CCBE1: variants seen among roughly 807,000 people sequenced by gnomAD.
The protein encoded by CCBE1 is collagen and calcium-binding EGF domain-containing protein 1.
Under a neutral mutation model 50.0 loss-of-function variants are expected in CCBE1, and 37 were observed. That is an observed-to-expected ratio of 0.74 (90% CI 0.57 to 0.97). CCBE1 has a LOEUF of 0.97. Among genes scored for constraint, CCBE1 ranks in the 50% least tolerant of loss-of-function variants. The pLI, the probability that CCBE1 is intolerant of heterozygous loss-of-function variation, is 0.00. For synonymous variants in CCBE1, 234 were observed against 203.7 expected, an observed-to-expected ratio of 1.15 and a Z score of -1.27; for missense variants, 538 against 523.8, an observed-to-expected ratio of 1.03 and a Z score of -0.26.
At chr18:59,560,936 C>T (rs2052727542) in intron 2 of CCBE1, among the ~76,000 whole-genome samples, 4 of 152,200 alleles carry the variant, frequency 2.6e-5, no homozygotes, top group Admixed American at 2.6e-4. Flanking sequence ...GACCTGTAGT[C>T]CTAATGCAAG....
At chr18:59,696,456 C>T (rs2054804677) in intron 2 of CCBE1, 173 bp downstream of exon 2, 2 of 1,477,430 alleles carry the variant, frequency 1.4e-6, no homozygotes, top group African/African-American at 1.4e-5. Flanking sequence ...GTTGCTCTGA[C>T]TCCGATCCAA....
chr18:59,512,659 C>G (rs79294387), intron 2 of CCBE1, among the ~76,000 whole-genome samples: 6 of 152,350 alleles, frequency 3.9e-5, no homozygotes, highest in Non-Finnish European at 8.8e-5. Context: ...AGTGGGGAGT[C>G]TCCACTCTCA....
rs556013250 is a variant in CCBE1 at position 59,652,717 on chromosome 18, C to T, written c.212+43912G>A. Among the ~76,000 whole-genome samples, 16 of 152,324 alleles carry T rather than the reference C, an allele frequency of 1.1e-4. No individual in the cohort carries two copies. The South Asian group carries it at 2.9e-3, about 28-fold the overall frequency. On this transcript the variant is annotated intron_variant, in intron 2 of 10. Transcript: ENST00000439986. The stretch of plus-strand genomic sequence containing the variant: ...CAGTGGCTCCCGCCTGTAATCCCAG[C>T]ACTTCGGGAGGCCGAGGCGGGTGGA...
In CCBE1 at chr18:59,476,816, G is replaced by C. The variant is rs1056726063; in HGVS notation, c.265+3370C>G. On this transcript the variant is annotated intron_variant, in intron 3 of 10. Transcript: ENST00000439986. ...ACCCAGCTATTTAGTCTGGAGTCAG[G>C]TTCACCAGGAGGATATATATTCTCT... Among the ~76,000 whole-genome samples the C allele has an allele frequency of 2.0e-5, 3 of 152,182 alleles. No homozygotes were observed. The East Asian group carries it at 5.8e-4, about 29-fold the overall frequency.
intron 2 of CCBE1, among the ~76,000 whole-genome samples, chr18:59,531,720 G>A (rs1598985218): frequency 6.6e-6 from 1 of 152,108 alleles, no homozygotes; most frequent in South Asian, 2.1e-4. Context: ...CTCCAGCCTG[G>A]GCGACAAAGA....
Position 59,431,932 on chromosome 18 carries a change from A to T in CCBE1, c.*3976T>A, listed in dbSNP as rs1288836682. The T allele has an allele frequency of 6.6e-6, 1 of 152,252 alleles. No individual in the cohort carries two copies. Among genetic ancestry groups the T allele is most frequent in the Non-Finnish European group, 1.5e-5 (1 of 68,122 alleles). 9.4% of individuals were successfully genotyped at this position (152,252 alleles called of 1,614,324 possible). On this transcript the variant is annotated 3_prime_UTR_variant, in exon 11 of 11. Coordinates refer to ENST00000439986, the MANE Select transcript of CCBE1 (RefSeq NM_133459.4). ...AACTGGGAAGGGAGGGGGGTTTCCT[A>T]AACTAAAATGCATGCCCTCCATGTA...
At chr18:59,613,475 G>A (rs1489593941) in intron 2 of CCBE1, among the ~76,000 whole-genome samples, 1 of 152,102 alleles carries the variant, frequency 6.6e-6, no homozygotes, top group Non-Finnish European at 1.5e-5. Context: ...TTCTATGTAA[G>A]CAAATTTCAA....
At chr18:59,696,453 T>A in intron 2 of CCBE1, 176 bp downstream of exon 2, 1 of 1,471,944 alleles carries the variant, frequency 6.8e-7, no homozygotes, top group South Asian at 1.3e-5. Context: ...AGTGTTGCTC[T>A]GACTCCGATC....
rs2054241401 is a variant in CCBE1 at position 59,658,837 on chromosome 18, G to T, written c.212+37792C>A. Reference sequence around the variant, plus strand: ...GGAGTTTGCAGTGAGCCAAGATCGTGCCACTGCACTCCAGTCTGGGCAACA... The same window carrying T: ...GGAGTTTGCAGTGAGCCAAGATCGTTCCACTGCACTCCAGTCTGGGCAACA... On this transcript the variant is annotated intron_variant, in intron 2 of 10. Transcript: ENST00000439986. 2.4e-5 allele frequency among the ~76,000 whole-genome samples: 3 copies of T among 125,024 alleles called. No homozygotes were observed. In the Admixed American group the frequency reaches 3.3e-4, roughly 14 times the overall value. 82.0% of individuals were successfully genotyped at this position (125,024 alleles called of 152,430 possible). A position where few individuals can be genotyped will look rare whatever the true frequency, so the allele number is the denominator to read the frequency against.
chr18:59,454,932 G>C lies in CCBE1; in HGVS notation c.573C>G (p.Asn191Lys), dbSNP rs763045193. The C allele has an allele frequency of 6.2e-7, 1 of 1,614,074 alleles. No homozygotes were observed. ...PNDTGHEKSE[N>K]MVKAGTCCAT... ...CACAGCAAGTTCCGGCTTTCACCAT[G>C]TTCTCAGACTTCTCATGGCCTGAGA... The change falls in exon 6 of 11, where the codon AAC becomes AAG. Residue 191 changes from asparagine to lysine, a missense_variant. Asn to Lys is a moderately conservative substitution (Grantham distance 94). Coordinates refer to ENST00000439986, the MANE Select transcript of CCBE1 (RefSeq NM_133459.4).
intron 2 of CCBE1, among the ~76,000 whole-genome samples, chr18:59,525,297 C>T (rs539685742): frequency 1.2e-4 from 19 of 152,204 alleles, no homozygotes; most frequent in Non-Finnish European, 2.6e-4. Flanking sequence ...TATCTCATTG[C>T]GGTTTTGATT....
intron 2 of CCBE1, among the ~76,000 whole-genome samples, chr18:59,585,833 A>G (rs990592699): frequency 3.3e-5 from 5 of 152,208 alleles, no homozygotes; most frequent in African/African-American, 1.2e-4. Context: ...CACTTAGTCA[A>G]AGTGGCATGT....
At chr18:59,448,206 G>A (rs1910773675) in intron 6 of CCBE1, 103 bp from the exon 7 acceptor site, 4 of 1,514,456 alleles carry the variant, frequency 2.6e-6, no homozygotes, top group Admixed American at 1.8e-5. Flanking sequence ...TGAGACATAT[G>A]TATATACTTT....
chr18:59,461,517 T>C (rs980810174), intron 5 of CCBE1, among the ~76,000 whole-genome samples: 7 of 152,148 alleles, frequency 4.6e-5, no homozygotes, highest in African/African-American at 1.4e-4. Context: ...AATTTTGTTT[T>C]ACTGAAATAT....
rs4940876 is a variant in CCBE1 at position 59,466,920 on chromosome 18, A to G, written c.401-29T>C. The G allele has an allele frequency of 0.99, 1,586,651 of 1,598,734 alleles. 787,955 individuals carry two copies. The highest frequency in any genetic ancestry group is 1 in the East Asian group (44,644 of 44,644). ...GTTTGAACCAAATGTAGAGAATACT[A>G]AGTTTCTGAGAATTCACTTCTAATA... On this transcript the variant is annotated intron_variant, in intron 4 of 10. Coordinates refer to ENST00000439986, the MANE Select transcript of CCBE1 (RefSeq NM_133459.4).
At chr18:59,485,584 A>ATATATATT (rs1912777138) in intron 2 of CCBE1, among the ~76,000 whole-genome samples, 1 of 140,856 alleles carries the variant, frequency 7.1e-6, no homozygotes, top group South Asian at 2.3e-4. Context: ...GATATATCAG[A>ATATATATT]TATTTATTTA....
intron 2 of CCBE1, among the ~76,000 whole-genome samples, chr18:59,660,048 T>C (rs1175784008): frequency 6.6e-6 from 1 of 152,034 alleles, no homozygotes; most frequent in Non-Finnish European, 1.5e-5. Flanking sequence ...CCAGACACAC[T>C]TCAGTGGCCT....
chr18:59,571,049 C>A (rs1327696755), intron 2 of CCBE1, among the ~76,000 whole-genome samples: 1 of 152,166 alleles, frequency 6.6e-6, no homozygotes, highest in East Asian at 1.9e-4. Flanking sequence ...CACCCTCCCA[C>A]TTCTGAGTAT....
In CCBE1 at chr18:59,658,321, TAAAAAAAAAA is replaced by T. The variant is rs1157998930; in HGVS notation, c.212+38298_212+38307del. Among the ~76,000 whole-genome samples the T allele has an allele frequency of 6.5e-3, 42 of 6,424 alleles. 4 individuals carry two copies. Among genetic ancestry groups the T allele is most frequent in the Admixed American group, 0.055 (15 of 272 alleles). The allele number at this position is 6,424 out of a possible 152,430, so 4.2% of individuals were successfully genotyped here. The stretch of plus-strand genomic sequence containing the variant: ...GAGCAACATAGCAAGACCCTGTCTC[TAAAAAAAAAA>T]AAAAAAAAAAAAAAAAAAAAAAAAT... On this transcript the variant is annotated intron_variant, in intron 2 of 10. Coordinates refer to ENST00000439986, the MANE Select transcript of CCBE1 (RefSeq NM_133459.4).
Sources: gnomAD v4.1 joint callset for allele counts (sites outside exome capture counted in the v4.1 genomes callset) on GRCh38, gnomAD v4.1.1 for gene constraint, MANE v1.5 for transcripts, NCBI Gene and HGNC (gene_info 2026-07-23, HGNC 2026-07-21) for gene names.